Variants in MAD1L1 observed in about 807,000 individuals in gnomAD.
MAD1L1 encodes mitotic spindle assembly checkpoint protein MAD1.
In MAD1L1, 95 loss-of-function variants were observed where a neutral mutation model predicts 96.9. The ratio of observed to expected loss-of-function variants is 0.98; its 90% CI spans 0.83 to 1.16. The LOEUF is 1.16. Among genes scored for constraint, MAD1L1 ranks in the 50% most tolerant of loss-of-function variants. MAD1L1 has a pLI of 0.00. For missense variants in MAD1L1, 1,007 were observed against 954.4 expected (o/e 1.06, Z -0.73); for synonymous variants, 473 against 396.6 (o/e 1.19, Z -2.29).
chr7:2,132,535 T>C (rs2128569147), intron 11 of MAD1L1, among the ~76,000 whole-genome samples: 1 of 152,338 alleles, frequency 6.6e-6, no homozygotes, highest in East Asian at 1.9e-4. Context: ...CCAAAAATCC[T>C]CTGGGTCCGC....
chr7:1,924,479 G>A (rs1788986036), intron 17 of MAD1L1, among the ~76,000 whole-genome samples: 2 of 152,346 alleles, frequency 1.3e-5, no homozygotes, highest in South Asian at 4.1e-4. Context: ...GGGAAACAGT[G>A]TCGATTTTTA....
intron 17 of MAD1L1, among the ~76,000 whole-genome samples, chr7:1,918,099 C>T (rs1220536420): frequency 3.3e-5 from 5 of 152,160 alleles, no homozygotes; most frequent in African/African-American, 4.8e-5. Flanking sequence ...GGCCAGCGCC[C>T]GGCTCAGCCT....
intron 10 of MAD1L1, among the ~76,000 whole-genome samples, chr7:2,161,218 T>C (rs899582275): frequency 2.8e-5 from 4 of 142,782 alleles, no homozygotes; most frequent in Admixed American, 1.5e-4. Context: ...CTGATTCTCC[T>C]GCCTCAGCCT....
chr7:1,873,515 G>A lies in MAD1L1; in HGVS notation c.1998+24685C>T, dbSNP rs1343511165. 2.0e-5 allele frequency among the ~76,000 whole-genome samples: 3 copies of A among 152,046 alleles called. No individual in the cohort carries two copies. In the East Asian group the frequency reaches 5.8e-4, roughly 30 times the overall value. ...AGCACGGCACGGCCGGGGCTGGACA[G>A]TGCTGAGGGGTACGGGCAAAGCACC... On this transcript the variant is annotated intron_variant, in intron 18 of 18. Coordinates refer to ENST00000265854, the MANE Select transcript of MAD1L1 (RefSeq NM_001013836.2).
intron 11 of MAD1L1, among the ~76,000 whole-genome samples, chr7:2,135,076 A>T (rs1788687893): frequency 6.6e-6 from 1 of 152,242 alleles, no homozygotes; most frequent in Non-Finnish European, 1.5e-5. Context: ...TCTAATCAGA[A>T]TTTTGAGCAA....
At chr7:2,158,432 A>G (rs1289304832) in intron 10 of MAD1L1, among the ~76,000 whole-genome samples, 1 of 152,234 alleles carries the variant, frequency 6.6e-6, no homozygotes, top group African/African-American at 2.4e-5. Context: ...AAGCTTTCAA[A>G]GAATAGAAAT....
intron 13 of MAD1L1, among the ~76,000 whole-genome samples, chr7:2,003,400 T>C (rs1452655687): frequency 6.6e-6 from 1 of 151,990 alleles, no homozygotes; most frequent in African/African-American, 2.4e-5. Context: ...CTGGGGAAAG[T>C]GGCTGAGGCA....
At chr7:1,949,423 T>C (rs1779384952) in intron 16 of MAD1L1, among the ~76,000 whole-genome samples, 1 of 152,168 alleles carries the variant, frequency 6.6e-6, no homozygotes, top group Non-Finnish European at 1.5e-5. Context: ...TTGAACTCCA[T>C]CCCTGTCTGA....
At chr7:1,965,406 G>A (rs1008706084) in intron 15 of MAD1L1, among the ~76,000 whole-genome samples, 4 of 152,312 alleles carry the variant, frequency 2.6e-5, no homozygotes, top group East Asian at 1.9e-4. Flanking sequence ...ACACGTGCCC[G>A]GCTCTGGAAG....
chr7:1,939,585 C>T (rs1172711193), intron 16 of MAD1L1, among the ~76,000 whole-genome samples: 9 of 152,150 alleles, frequency 5.9e-5, no homozygotes, highest in African/African-American at 1.4e-4. Context: ...GCCAGCACCA[C>T]GCATAGCAAT....
chr7:1,975,020 C>T lies in MAD1L1; in HGVS notation c.1505+5433G>A, dbSNP rs557675122. On this transcript the variant is annotated intron_variant, in intron 15 of 18. Coordinates refer to ENST00000265854, the MANE Select transcript of MAD1L1 (RefSeq NM_001013836.2). Reference sequence around the variant, plus strand: ...ACCGGCACCACCTGCAGAGCCCAGGCGCAGGGGCCGCTGTCGCTACCGGCA... The same window carrying T: ...ACCGGCACCACCTGCAGAGCCCAGGTGCAGGGGCCGCTGTCGCTACCGGCA... 2.0e-3 allele frequency among the ~76,000 whole-genome samples: 311 copies of T among 152,356 alleles called. 1 individual carries two copies. The highest frequency in any genetic ancestry group is 7.0e-3 in the African/African-American group (291 of 41,582).
intron 10 of MAD1L1, among the ~76,000 whole-genome samples, chr7:2,157,596 A>C (rs1163064579): frequency 6.6e-6 from 1 of 152,154 alleles, no homozygotes; most frequent in African/African-American, 2.4e-5. Flanking sequence ...CCTCCCGAGA[A>C]GCCCTGGGAC....
At chr7:1,888,444 A>G (rs892152576) in intron 18 of MAD1L1, among the ~76,000 whole-genome samples, 1 of 129,162 alleles carries the variant, frequency 7.7e-6, no homozygotes, top group Non-Finnish European at 1.6e-5. Flanking sequence ...CTGCCTGTAC[A>G]TGTGTGTGCA....
rs553629399 is a variant in MAD1L1, at chr7:2,191,053, C to T, written c.986+22159G>A. ...ATCTTTATCTGCAAGAGCAAAAAAC[C>T]GGATTAAAAATTATGGTATATCCGT... On this transcript the variant is annotated intron_variant, in intron 10 of 18. Transcript: ENST00000265854. Among the ~76,000 whole-genome samples the T allele has an allele frequency of 7.2e-5, 11 of 152,170 alleles. No individual in the cohort carries two copies. In the South Asian group the frequency reaches 1.7e-3, roughly 23 times the overall value.
At chr7:2,161,890 G>GTACCCAACAGCTCATTGAGAAC in intron 10 of MAD1L1, among the ~76,000 whole-genome samples, 6 of 147,624 alleles carry the variant, frequency 4.1e-5, no homozygotes, top group African/African-American at 9.8e-5. Context: ...TCCGGGAGGT[G>GTACCCAACAGCTCATTGAGAAC]GGGGGCAGCC....
In MAD1L1 at chr7:2,010,535, C is replaced by T. The variant is rs181891128; in HGVS notation, c.1359+3967G>A. On this transcript the variant is annotated intron_variant, in intron 13 of 18. Coordinates refer to ENST00000265854, the MANE Select transcript of MAD1L1 (RefSeq NM_001013836.2). ...CACAGAGGACTCCTGACACATGCTA[C>T]GGGCTCCCGCAGCCGCTTTATTAAA... 4.8e-3 allele frequency among the ~76,000 whole-genome samples: 734 copies of T among 152,304 alleles called. 8 individuals carry two copies. The highest frequency in any genetic ancestry group is 0.017 in the African/African-American group (687 of 41,554).
At chr7:2,112,445 A>G (rs1368438189) in intron 11 of MAD1L1, among the ~76,000 whole-genome samples, 1 of 152,354 alleles carries the variant, frequency 6.6e-6, no homozygotes, top group Non-Finnish European at 1.5e-5. Flanking sequence ...CGCCACTTCC[A>G]CTGGGAACGG....
chr7:1,955,090 G>A lies in MAD1L1; in HGVS notation c.1596+2539C>T, dbSNP rs181489731. Among the ~76,000 whole-genome samples the A allele has an allele frequency of 1.3e-4, 20 of 152,360 alleles. No homozygotes were observed. The East Asian group carries it at 3.7e-3, about 28-fold the overall frequency. ...CGGCACTCGCGCCCAGCTCTAAGGGGTAACTGAAATTCTCTTTCCTCGCCA... is the reference window on the plus strand; with the variant it reads ...CGGCACTCGCGCCCAGCTCTAAGGGATAACTGAAATTCTCTTTCCTCGCCA... On this transcript the variant is annotated intron_variant, in intron 16 of 18. Transcript: ENST00000265854.
rs544245013 is a variant in MAD1L1, at chr7:2,073,634, TAC to T, written c.1074-4298_1074-4297del. Reference sequence around the variant, plus strand: ...TCGAGCAGCTGAACCTGGGCTTCCTTACAGACCCGGTCTGAGGAAATGCAGTG... The same window carrying T: ...TCGAGCAGCTGAACCTGGGCTTCCTTAGACCCGGTCTGAGGAAATGCAGTG... On this transcript the variant is annotated intron_variant, in intron 11 of 18. Coordinates refer to ENST00000265854, the MANE Select transcript of MAD1L1 (RefSeq NM_001013836.2). Among the ~76,000 whole-genome samples the T allele has an allele frequency of 4.3e-3, 638 of 150,056 alleles. 7 individuals are homozygous for T. Among genetic ancestry groups the T allele is most frequent in the African/African-American group, 0.015 (606 of 39,362 alleles).
Sources: gnomAD v4.1 joint callset for allele counts (sites outside exome capture counted in the v4.1 genomes callset) on GRCh38, gnomAD v4.1.1 for gene constraint, MANE v1.5 for transcripts, NCBI Gene and HGNC (gene_info 2026-07-23, HGNC 2026-07-21) for gene names.